SHANK2: variants seen among roughly 807,000 people sequenced by gnomAD.
The protein encoded by SHANK2 is SH3 and multiple ankyrin repeat domains protein 2.
SHANK2 carries 43 observed loss-of-function variants against 133.7 expected under a neutral mutation model. The observed-to-expected ratio is 0.32, with a 90% CI of 0.25 to 0.41. The LOEUF is 0.41. Ranked by LOEUF, SHANK2 falls within the 10% of genes least tolerant of loss-of-function variation. The pLI is 1.00. For synonymous variants in SHANK2, 1,017 were observed against 952.8 expected (o/e 1.07, Z -1.24); for missense variants, 1,994 against 2,235.8 (o/e 0.89, Z 2.18).
intron 17 of SHANK2, among the ~76,000 whole-genome samples, chr11:70,555,652 G>A (rs2059819507): frequency 6.6e-6 from 1 of 152,228 alleles, no homozygotes; most frequent in African/African-American, 2.4e-5. Flanking sequence ...CTTCAGTGCA[G>A]GGGTTTGAGG....
chr11:70,828,773 C>G (rs1169692074), intron 11 of SHANK2, among the ~76,000 whole-genome samples: 18 of 152,198 alleles, frequency 1.2e-4, no homozygotes, highest in African/African-American at 4.1e-4. Flanking sequence ...GGCTGGGGGA[C>G]CCGGCTGGTC....
intron 11 of SHANK2, among the ~76,000 whole-genome samples, chr11:70,858,896 C>T (rs546307491): frequency 2.0e-5 from 3 of 152,384 alleles, no homozygotes; most frequent in South Asian, 2.1e-4. Context: ...GTGCTGTCCA[C>T]ACACCTGTAC....
intron 11 of SHANK2, among the ~76,000 whole-genome samples, chr11:70,865,536 C>T (rs1383390889): frequency 1.3e-5 from 2 of 152,098 alleles, no homozygotes; most frequent in Non-Finnish European, 2.9e-5. Context: ...GATGCAGCTG[C>T]GCGTGCCTCA....
At position 71,188,256 on chromosome 11, in the gene SHANK2, G is replaced by T. The variant is rs112526135; in HGVS notation, c.-13+36441C>A. On this transcript the variant is annotated intron_variant, in intron 2 of 25. Coordinates refer to ENST00000601538, the MANE Select transcript of SHANK2 (RefSeq NM_012309.5). This position sits in a 1 kb window ranked among gnomAD's most constrained non-coding sequence, Gnocchi z 4.6. ...AGTATCCCCTGCTGGTGTCACTCTG[G>T]TCATGGACCACTGGAGCTGCCCACT... Among the ~76,000 whole-genome samples, 124 of 152,132 alleles carry T rather than the reference G, an allele frequency of 8.2e-4. 1 individual carries two copies. Among genetic ancestry groups the T allele is most frequent in the African/African-American group, 2.8e-3 (117 of 41,486 alleles).
At chr11:71,210,185 G>A (rs1235936974) in intron 2 of SHANK2, among the ~76,000 whole-genome samples, 1 of 124,338 alleles carries the variant, frequency 8.0e-6, no homozygotes, top group Non-Finnish European at 1.6e-5. Flanking sequence ...CTTGCCACCT[G>A]GTCCTCTTCA....
intron 8 of SHANK2, among the ~76,000 whole-genome samples, chr11:71,091,362 G>T (rs1221499072): frequency 1.3e-5 from 2 of 152,206 alleles, no homozygotes; most frequent in African/African-American, 4.8e-5. Flanking sequence ...GGCGGGGCCT[G>T]CTGGCACCCC....
chr11:70,910,682 C>G (rs1555078797), intron 10 of SHANK2, among the ~76,000 whole-genome samples: 1 of 152,064 alleles, frequency 6.6e-6, no homozygotes, highest in South Asian at 2.1e-4. Flanking sequence ...TGGTGGACAC[C>G]TGTAATCCCA....
At chr11:70,497,070 G>C (rs1555157311) in intron 21 of SHANK2, 1 of 455,174 alleles carries the variant, frequency 2.2e-6, no homozygotes, top group African/African-American at 2.0e-5. Context: ...GGGGTGGTAG[G>C]GTCAGGGGCT....
At chr11:70,793,728 G>A (rs190215294) in intron 14 of SHANK2, among the ~76,000 whole-genome samples, 92 of 152,250 alleles carry the variant, frequency 6.0e-4, no homozygotes, top group African/African-American at 2.0e-3. Flanking sequence ...ACACACTGCC[G>A]GTAGGAGAAC....
intron 2 of SHANK2, among the ~76,000 whole-genome samples, chr11:71,208,677 C>G (rs1413647584): frequency 1.3e-5 from 2 of 152,110 alleles, no homozygotes; most frequent in African/African-American, 4.8e-5. Flanking sequence ...AATCCTGATT[C>G]CAATTCCCCT....
Position 70,492,442 on chromosome 11 carries a change from C to G in SHANK2, c.2332G>C (p.Ala778Pro), listed in dbSNP as rs781955625. The G allele has an allele frequency of 1.2e-6, 2 of 1,613,886 alleles. No individual in the cohort carries two copies. The highest frequency in any genetic ancestry group is 1.7e-6 in the Non-Finnish European group (2 of 1,180,040). The change falls in exon 22 of 26, where the codon GCC (alanine) becomes CCC (proline). Residue 778 changes from alanine to proline, a missense_variant. This residue lies in a region of SHANK2 where 488 missense variants were observed against 642.6 expected (regional missense o/e 0.76). Coordinates refer to ENST00000601538, the MANE Select transcript of SHANK2 (RefSeq NM_012309.5). ...TCAGCAGCGCGGGAGGGCTTGGAGG[C>G]CGGGACTATCTCCTCGGGTTTATCT... ...KKDKPEEIVP[A>P]SKPSRAAENM...
intron 6 of SHANK2, among the ~76,000 whole-genome samples, chr11:71,095,924 CTGTGTGTAGA>C (rs1951603295): frequency 6.9e-6 from 1 of 145,100 alleles, no homozygotes; most frequent in Non-Finnish European, 1.5e-5. Context: ...AACTAGGATG[CTGTGTGTAGA>C]CATGCCAACA....
chr11:70,854,459 A>T (rs1447223507), intron 11 of SHANK2, among the ~76,000 whole-genome samples: 2 of 152,204 alleles, frequency 1.3e-5, no homozygotes, highest in African/African-American at 2.4e-5. Context: ...TGAAGTGAGC[A>T]GGTGCCTCAG....
chr11:70,929,251 G>A (rs545835643), intron 10 of SHANK2, among the ~76,000 whole-genome samples: 1 of 152,316 alleles, frequency 6.6e-6, no homozygotes, highest in East Asian at 1.9e-4. Flanking sequence ...ATGTGGCTCT[G>A]CCCCGAGGCA....
intron 10 of SHANK2, among the ~76,000 whole-genome samples, chr11:70,952,548 G>A (rs1950859568): frequency 6.6e-6 from 1 of 152,188 alleles, no homozygotes; most frequent in Non-Finnish European, 1.5e-5. Flanking sequence ...CAGTCTCTGG[G>A]TGGCGATGGA....
intron 14 of SHANK2, among the ~76,000 whole-genome samples, chr11:70,705,423 A>G (rs1225445709): frequency 6.6e-6 from 1 of 152,196 alleles, no homozygotes; most frequent in Non-Finnish European, 1.5e-5. Context: ...AGGAGGGAAG[A>G]CCAGACAAAA....
intron 3 of SHANK2, among the ~76,000 whole-genome samples, chr11:71,130,660 C>T (rs184778877): frequency 7.2e-5 from 11 of 152,300 alleles, no homozygotes; most frequent in South Asian, 2.1e-4. Context: ...TCCACCTCTA[C>T]GGCATCTGCT....
At chr11:70,741,166 C>CCCATCCAT (rs1302676092) in intron 14 of SHANK2, among the ~76,000 whole-genome samples, 1 of 134,424 alleles carries the variant, frequency 7.4e-6, no homozygotes, top group Non-Finnish European at 1.7e-5. Context: ...GTGTCGCCTA[C>CCCATCCAT]CCATCCATCC....
rs574185374 is a variant in SHANK2, at chr11:70,590,058, G to A, written c.2061+69770C>T. ...TAGTTCCAGCTACTCGGGAGGCTGAGGCAGGAGAACGGCGTGAACCTGGGA... is the reference window on the plus strand; with the variant it reads ...TAGTTCCAGCTACTCGGGAGGCTGAAGCAGGAGAACGGCGTGAACCTGGGA... On this transcript the variant is annotated intron_variant, in intron 17 of 25. Transcript: ENST00000601538. Among the ~76,000 whole-genome samples the A allele has an allele frequency of 3.3e-5, 5 of 152,330 alleles. No individual in the cohort carries two copies. In the South Asian group the frequency reaches 8.3e-4, roughly 25 times the overall value.
Sources: gnomAD v4.1 joint callset for allele counts (sites outside exome capture counted in the v4.1 genomes callset) on GRCh38, gnomAD v4.1.1 for gene constraint, gnomAD v4.1.1 regional missense constraint, Gnocchi (gnomAD v3.1) non-coding constraint, MANE v1.5 for transcripts, NCBI Gene and HGNC (gene_info 2026-07-23, HGNC 2026-07-21) for gene names.